The following CDKN2B-AS1 variants were observed in gnomAD, a reference collection of about 807,000 sequenced individuals.
The protein encoded by CDKN2B-AS1 is CDKN2B antisense RNA 1 (non-protein coding).
intron 1 of CDKN2B-AS1, among the ~76,000 whole-genome samples, chr9:22,025,353 G>A (rs758193289): frequency 6.6e-6 from 1 of 152,168 alleles, no homozygotes; most frequent in Non-Finnish European, 1.5e-5. Flanking sequence ...GACACTTAGG[G>A]TCTTTGCTCC....
At chr9:22,077,288 T>G (rs115123959) in intron 4 of CDKN2B-AS1, among the ~76,000 whole-genome samples, 3,239 of 152,280 alleles carry the variant, frequency 0.021, 107 homozygotes, top group African/African-American at 0.073. Context: ...ATACAATGAA[T>G]GTAAAAATAT....
At position 22,009,044 on chromosome 9, in the gene CDKN2B-AS1, G is replaced by C. The variant is rs150655569; in HGVS notation, n.29+13883G>C. 1.8e-4 allele frequency: 283 copies of C among 1,575,644 alleles called. 1 individual carries two copies. Among genetic ancestry groups the C allele is most frequent in the Admixed American group, 1.3e-3 (75 of 59,666 alleles). ...TTCCCTTCTTTCCCACGCTGCTCCG[G>C]CGCACTCTCTCCTTCCTAGGAGACC... is the stretch of plus-strand genomic sequence containing the variant. On this transcript the variant is annotated intron_variant and non_coding_transcript_variant, in intron 1 of 4. Coordinates refer to ENST00000650946, the Ensembl canonical transcript of CDKN2B-AS1.
Position 22,005,566 on chromosome 9 carries a change from C to T in CDKN2B-AS1, n.29+10405C>T. On this transcript the variant is annotated intron_variant and non_coding_transcript_variant, in intron 1 of 4. Coordinates refer to ENST00000650946, the Ensembl canonical transcript of CDKN2B-AS1. The surrounding 1 kb of genome is among the most constrained non-coding windows in gnomAD (Gnocchi z 4.9). ...TCCTCAGCAGACATTGGAGTGAACG[C>T]ATCGACTGCCGTCACCCAAGTGCTA... 1 of 396,670 alleles carries T rather than the reference C, an allele frequency of 2.5e-6. No homozygotes were observed. 24.6% of individuals were successfully genotyped at this position (396,670 alleles called of 1,614,324 possible). A position where few individuals can be genotyped will look rare whatever the true frequency, so the allele number is the denominator to read the frequency against.
chr9:22,074,865 G>T (rs1007192279), intron 4 of CDKN2B-AS1, among the ~76,000 whole-genome samples: 3 of 152,138 alleles, frequency 2.0e-5, no homozygotes, highest in Non-Finnish European at 4.4e-5. Flanking sequence ...ATAGGCTCTG[G>T]TCCACACTTT....
At chr9:22,065,172 C>T (rs1278260559) in intron 4 of CDKN2B-AS1, among the ~76,000 whole-genome samples, 1 of 152,148 alleles carries the variant, frequency 6.6e-6, no homozygotes, top group African/African-American at 2.4e-5. Flanking sequence ...TTGAGTACCT[C>T]CGTCAGCACT....
At chr9:22,047,050 C>T (rs774505717) in intron 2 of CDKN2B-AS1, 5 of 152,074 alleles carry the variant, frequency 3.3e-5, no homozygotes, top group South Asian at 2.1e-4. Flanking sequence ...ATCTAAATTA[C>T]GTCTGGAGTA....
chr9:22,102,372 G>C (rs1170946954), intron 4 of CDKN2B-AS1, among the ~76,000 whole-genome samples: 2 of 152,150 alleles, frequency 1.3e-5, no homozygotes, highest in Non-Finnish European at 2.9e-5. Flanking sequence ...TTCTATGGTT[G>C]CCATAACTAT....
At chr9:22,013,333 C>G (rs920165927) in intron 1 of CDKN2B-AS1, among the ~76,000 whole-genome samples, 2 of 152,162 alleles carry the variant, frequency 1.3e-5, no homozygotes, top group Non-Finnish European at 1.5e-5. Context: ...ACACATTTTA[C>G]TTTTCATTTC....
chr9:22,013,430 C>A (rs183002947), intron 1 of CDKN2B-AS1, among the ~76,000 whole-genome samples: 10 of 151,974 alleles, frequency 6.6e-5, no homozygotes, highest in Non-Finnish European at 1.0e-4. Flanking sequence ...TTGCTACAGT[C>A]TCTTGTATCT....
chr9:22,007,626 T>C (rs573587814), intron 1 of CDKN2B-AS1, among the ~76,000 whole-genome samples: 17 of 152,290 alleles, frequency 1.1e-4, no homozygotes, highest in South Asian at 6.2e-4. Context: ...ATACTTCTCA[T>C]GTTTTGTTGG....
intron 4 of CDKN2B-AS1, among the ~76,000 whole-genome samples, chr9:22,081,871 T>G (rs960423944): frequency 6.6e-6 from 1 of 152,226 alleles, no homozygotes; most frequent in African/African-American, 2.4e-5. Flanking sequence ...TCATCATTTT[T>G]GGGGTTGTTG....
intron 4 of CDKN2B-AS1, among the ~76,000 whole-genome samples, chr9:22,104,782 A>G (rs749205882): frequency 3.3e-5 from 5 of 152,206 alleles, no homozygotes; most frequent in Non-Finnish European, 7.3e-5. Flanking sequence ...TTCTCAAATG[A>G]CTGACAGTTT....
At chr9:22,027,741 T>C (rs1210533330) in intron 1 of CDKN2B-AS1, among the ~76,000 whole-genome samples, 1 of 152,194 alleles carries the variant, frequency 6.6e-6, no homozygotes, top group Non-Finnish European at 1.5e-5. Context: ...AGATTCCTGT[T>C]CATGGCTCTT....
At chr9:22,119,811 A>G (rs542952683) in intron 4 of CDKN2B-AS1, 7 of 152,352 alleles carry the variant, frequency 4.6e-5, no homozygotes, top group Admixed American at 3.9e-4. Flanking sequence ...CCCTCACTGC[A>G]TTAGGTTCTT....
intron 1 of CDKN2B-AS1, among the ~76,000 whole-genome samples, chr9:22,020,279 T>C (rs1821961752): frequency 1.3e-5 from 2 of 152,242 alleles, no homozygotes; most frequent in African/African-American, 2.4e-5. Context: ...CTATCACTGA[T>C]GGGCATTTAT....
rs796722980 is a variant in CDKN2B-AS1 at position 22,005,583 on chromosome 9, C to G, written n.29+10422C>G. The G allele has an allele frequency of 3.1e-5, 13 of 414,162 alleles. No individual in the cohort carries two copies. The highest frequency in any genetic ancestry group is 2.8e-4 in the South Asian group (11 of 38,646). 25.7% of individuals were successfully genotyped at this position (414,162 alleles called of 1,614,324 possible). ...AGTGAACGCATCGACTGCCGTCACC[C>G]AAGTGCTAATCACTGCCTTCTCCCA... On this transcript the variant is annotated intron_variant and non_coding_transcript_variant, in intron 1 of 4. Transcript: ENST00000650946. The surrounding 1 kb of genome is among the most constrained non-coding windows in gnomAD (Gnocchi z 4.9).
intron 1 of CDKN2B-AS1, among the ~76,000 whole-genome samples, chr9:22,008,019 A>C (rs1400368028): frequency 6.6e-6 from 1 of 152,188 alleles, no homozygotes; most frequent in African/African-American, 2.4e-5. Flanking sequence ...AGTACAAAAG[A>C]GTTGTCCGAG....
chr9:22,105,245 G>A (rs1001517660), intron 4 of CDKN2B-AS1, among the ~76,000 whole-genome samples: 2 of 152,218 alleles, frequency 1.3e-5, no homozygotes, highest in Non-Finnish European at 2.9e-5. Flanking sequence ...TATATCATCA[G>A]CGGAAATGAA....
chr9:22,121,623 A>C (rs1233327027), intron 4 of CDKN2B-AS1, among the ~76,000 whole-genome samples: 1 of 151,968 alleles, frequency 6.6e-6, no homozygotes, highest in Admixed American at 6.6e-5. Flanking sequence ...CAACTTTTTC[A>C]GCTTCTGTAT....
Sources: gnomAD v4.1 joint callset for allele counts (sites outside exome capture counted in the v4.1 genomes callset) on GRCh38, gnomAD v4.1.1 for gene constraint, Gnocchi (gnomAD v3.1) non-coding constraint, MANE v1.5 for transcripts, NCBI Gene and HGNC (gene_info 2026-07-23, HGNC 2026-07-21) for gene names.